Variants in ABCC1 observed in about 807,000 individuals in gnomAD.
The protein encoded by ABCC1 is ATP binding cassette subfamily C member 1 (ABCC1 blood group).
Under a neutral mutation model 172.9 loss-of-function variants are expected in ABCC1, and 83 were observed. The ratio of observed to expected loss-of-function variants is 0.48; its 90% confidence interval spans 0.40 to 0.58. The LOEUF is 0.58. Among genes scored for constraint, ABCC1 ranks in the 20% least tolerant of loss-of-function variants. The pLI, the probability that ABCC1 is intolerant of heterozygous loss-of-function variation, is 0.00. For missense variants in ABCC1, 1,817 were observed against 2,002.7 expected (o/e 0.91, Z 1.77); for synonymous variants, 937 against 825.2 (o/e 1.14, Z -2.32).
chr16:16,026,395 T>C (rs901651425), intron 5 of ABCC1, among the ~76,000 whole-genome samples: 14 of 130,050 alleles, frequency 1.1e-4, no homozygotes, highest in Non-Finnish European at 1.9e-4. Flanking sequence ...GAACGCACCA[T>C]TGCGCTGCAG....
rs367699826 is a variant in ABCC1, at chr16:16,068,307, A to C, written c.1824+5A>C. The C allele has an allele frequency of 2.0e-5, 32 of 1,613,442 alleles. No homozygotes were observed. In the African/African-American group the frequency reaches 3.7e-4, roughly 19 times the overall value. On this transcript the variant is annotated splice_donor_5th_base_variant and intron_variant, in intron 13 of 30. Transcript: ENST00000399410. ...GTCATCAGCAGCATCGTGCAGGTACAGGGGGAAGCTGGGGCGACTTCCGAG... is the reference window on the plus strand; with the variant it reads ...GTCATCAGCAGCATCGTGCAGGTACCGGGGGAAGCTGGGGCGACTTCCGAG...
Position 16,037,637 on chromosome 16 carries a change from G to C in ABCC1, c.809+1034G>C, listed in dbSNP as rs1389492331. Among the ~76,000 whole-genome samples, 3 of 152,312 alleles carry C rather than the reference G, an allele frequency of 2.0e-5. No individual in the cohort carries two copies. In the East Asian group the frequency reaches 5.8e-4, roughly 29 times the overall value. Reference sequence around the variant, plus strand: ...TTTTGTTCCTGTTGCCTGTTCTGGGGTAAGTTTACTACGATAAACTGTGGT... The same window carrying C: ...TTTTGTTCCTGTTGCCTGTTCTGGGCTAAGTTTACTACGATAAACTGTGGT... On this transcript the variant is annotated intron_variant, in intron 7 of 30. Coordinates refer to ENST00000399410, the MANE Select transcript of ABCC1 (RefSeq NM_004996.4).
chr16:16,059,864 A>G (rs2049835728), intron 12 of ABCC1, among the ~76,000 whole-genome samples: 1 of 133,804 alleles, frequency 7.5e-6, no homozygotes, highest in African/African-American at 2.7e-5. Context: ...GGTGTGGTGG[A>G]GCATGCTGGT....
chr16:16,090,302 A>G (rs2152018928), intron 18 of ABCC1, 103 bp from the exon 19 acceptor site: 1 of 1,284,322 alleles, frequency 7.8e-7, no homozygotes, highest in Non-Finnish European at 1.0e-6. Flanking sequence ...AGTTTTGCCC[A>G]CCAGGTGTTC....
rs1013452773 is a variant in ABCC1 at position 16,132,487 on chromosome 16, C to CT, written c.3966+559dup. Among the ~76,000 whole-genome samples the CT allele has an allele frequency of 7.4e-3, 458 of 61,804 alleles. 1 individual carries two copies. The highest frequency in any genetic ancestry group is 0.012 in the Non-Finnish European group (334 of 28,956). 40.5% of individuals were successfully genotyped at this position (61,804 alleles called of 152,430 possible). ...CCATTCCTGGCCCCTGGAAGAAGTT[C>CT]TTTTTTTGTTTTTTGGTTGGTTGTT... On this transcript the variant is annotated intron_variant, in intron 27 of 30. Coordinates refer to ENST00000399410, the MANE Select transcript of ABCC1 (RefSeq NM_004996.4).
At chr16:16,063,159 T>A (rs1424733198) in intron 12 of ABCC1, among the ~76,000 whole-genome samples, 1 of 152,186 alleles carries the variant, frequency 6.6e-6, no homozygotes, top group East Asian at 1.9e-4. Flanking sequence ...CAGGCTGGAG[T>A]GCAGTGGCAC....
chr16:16,084,635 T>C (rs1167084343), intron 17 of ABCC1, among the ~76,000 whole-genome samples: 5 of 150,202 alleles, frequency 3.3e-5, no homozygotes, highest in Non-Finnish European at 1.5e-5. Flanking sequence ...AAGTTCTTTT[T>C]TTTTTTTTGA....
intron 17 of ABCC1, among the ~76,000 whole-genome samples, chr16:16,084,751 G>T (rs2050944182): frequency 6.6e-6 from 1 of 151,688 alleles, no homozygotes; most frequent in African/African-American, 2.4e-5. Context: ...CTCTTGAATA[G>T]CTGGGACTAC....
chr16:16,000,278 C>T (rs1476752839), intron 1 of ABCC1, among the ~76,000 whole-genome samples: 3 of 151,638 alleles, frequency 2.0e-5, no homozygotes, highest in East Asian at 3.9e-4. Flanking sequence ...CACTGAGTAG[C>T]TGGGATTATA....
intron 26 of ABCC1, among the ~76,000 whole-genome samples, chr16:16,127,165 A>C (rs928349545): frequency 3.1e-4 from 47 of 152,278 alleles, no homozygotes; most frequent in Middle Eastern, 6.8e-3. Flanking sequence ...TGCCTTGTAG[A>C]ATGTCAGGCC....
At chr16:16,091,045 T>C (rs1345747194) in intron 19 of ABCC1, among the ~76,000 whole-genome samples, 1 of 152,018 alleles carries the variant, frequency 6.6e-6, no homozygotes, top group Non-Finnish European at 1.5e-5. Context: ...ACGTCTGGGT[T>C]CAATCCCCGG....
chr16:16,011,895 C>T (rs911067798), intron 3 of ABCC1, among the ~76,000 whole-genome samples: 18 of 152,092 alleles, frequency 1.2e-4, no homozygotes, highest in African/African-American at 3.9e-4. Flanking sequence ...TCTCGAACTC[C>T]GGACCTCAGG....
At chr16:16,000,324 C>CACCATGT (rs2047260214) in intron 1 of ABCC1, among the ~76,000 whole-genome samples, 1 of 151,372 alleles carries the variant, frequency 6.6e-6, no homozygotes, top group African/African-American at 2.4e-5. Flanking sequence ...TTTTGTGTTT[C>CACCATGT]TAGTAGAGAC....
intron 2 of ABCC1, among the ~76,000 whole-genome samples, chr16:16,009,183 TC>T (rs2047675071): frequency 6.6e-6 from 1 of 152,098 alleles, no homozygotes; most frequent in African/African-American, 2.4e-5. Flanking sequence ...GTTGTCAAAC[TC>T]CTGGCTTCCA....
At position 16,071,728 on chromosome 16, in the gene ABCC1, C is replaced by G; in HGVS notation, c.1911C>G (p.Asp637Glu). ...GCATCGAGCGACGGCCTGTCAAAGA[C>G]GGTGTGTGTGTGTTCAGTCCTGGCT... ...PDSIERRPVK[D>E]GGGTNSITVR... Residue 637 changes from aspartate to glutamate, a missense_variant and splice_region_variant, in exon 14 of 31, where the codon GAC becomes GAG. This residue lies in a region of ABCC1 where 1,412 missense variants were observed against 1,600.3 expected (regional missense o/e 0.88). Coordinates refer to ENST00000399410, the MANE Select transcript of ABCC1 (RefSeq NM_004996.4). 1 of 1,612,914 alleles carries G rather than the reference C, an allele frequency of 6.2e-7. No homozygotes were observed. The highest frequency in any genetic ancestry group is 8.5e-7 in the Non-Finnish European group (1 of 1,179,498).
intron 20 of ABCC1, among the ~76,000 whole-genome samples, chr16:16,104,660 G>A (rs1596506974): frequency 6.6e-6 from 1 of 152,186 alleles, no homozygotes; most frequent in Non-Finnish European, 1.5e-5. Flanking sequence ...GTCCCGTGCC[G>A]TGCGCCCTCA....
chr16:15,966,304 C>G (rs138121189), intron 1 of ABCC1, among the ~76,000 whole-genome samples: 1 of 151,202 alleles, frequency 6.6e-6, no homozygotes, highest in Non-Finnish European at 1.5e-5. Context: ...CTCAGTTACT[C>G]GGGAGGCTGA....
chr16:16,006,137 C>T (rs1168714145), intron 1 of ABCC1, among the ~76,000 whole-genome samples: 3 of 152,028 alleles, frequency 2.0e-5, no homozygotes, highest in Non-Finnish European at 4.4e-5. Context: ...GTGGGGAAAC[C>T]TATTTTGTAC....
rs565382310 is a variant in ABCC1, at chr16:16,070,439, C to A, written c.1825-1203C>A. On this transcript the variant is annotated intron_variant, in intron 13 of 30. Coordinates refer to ENST00000399410, the MANE Select transcript of ABCC1 (RefSeq NM_004996.4). ...CAGCACTCTGGGAGGCCGAGGTGGGCGGATCATGAGGTCAGGAGATGGAGA... is the reference window on the plus strand; with the variant it reads ...CAGCACTCTGGGAGGCCGAGGTGGGAGGATCATGAGGTCAGGAGATGGAGA... 2.0e-5 allele frequency among the ~76,000 whole-genome samples: 3 copies of A among 152,096 alleles called. No individual in the cohort carries two copies. In the East Asian group the frequency reaches 5.8e-4, roughly 29 times the overall value.
Sources: allele counts gnomAD v4.1 joint callset (sites outside exome capture counted in the v4.1 genomes callset), GRCh38; gene constraint gnomAD v4.1.1; regional missense constraint gnomAD v4.1.1; transcripts MANE v1.5; gene names NCBI Gene and HGNC (gene_info 2026-07-23, HGNC 2026-07-21).